MYPN: variants seen among roughly 807,000 people sequenced by gnomAD.
MYPN encodes myopalladin.
Under a neutral mutation model 129.4 loss-of-function variants are expected in MYPN, and 63 were observed. The observed-to-expected ratio is 0.49, with a 90% CI of 0.40 to 0.60. The LOEUF is 0.60. MYPN is among the 20% of genes least tolerant of loss of function. The pLI is 0.00. For synonymous variants in MYPN, 629 were observed against 600.9 expected (o/e 1.05, Z -0.68); for missense variants, 1,596 against 1,635.4 (o/e 0.98, Z 0.42).
chr10:68,177,516 T>C (rs915909770), intron 12 of MYPN, among the ~76,000 whole-genome samples: 1 of 152,162 alleles, frequency 6.6e-6, no homozygotes, highest in Non-Finnish European at 1.5e-5. Flanking sequence ...TGAGGAAGTT[T>C]TGGGAAATAA....
At chr10:68,180,082 G>C (rs2043291221) in intron 12 of MYPN, among the ~76,000 whole-genome samples, 1 of 152,152 alleles carries the variant, frequency 6.6e-6, no homozygotes, top group Non-Finnish European at 1.5e-5. Context: ...GCACATAATA[G>C]GTACTTACTA....
At chr10:68,095,774 G>A (rs79176096) in intron 1 of MYPN, among the ~76,000 whole-genome samples, 27 of 151,934 alleles carry the variant, frequency 1.8e-4, no homozygotes, top group Admixed American at 3.9e-4. Flanking sequence ...GGGAATAGGG[G>A]GTTATTGTTT....
Position 68,174,593 on chromosome 10 carries a change from T to C in MYPN, c.2501T>C (p.Leu834Pro). 6.2e-7 allele frequency: 1 copy of C among 1,614,222 alleles called. No individual in the cohort carries two copies. Among genetic ancestry groups the C allele is most frequent in the South Asian group, 1.1e-5 (1 of 91,088 alleles). Residue 834 changes from leucine (L) to proline (P), a missense_variant, in exon 11 of 20, where the codon CTG becomes CCG. Coordinates refer to ENST00000358913, the MANE Select transcript of MYPN (RefSeq NM_032578.4). ...QNPVAFLSSV[L>P]PSLPAIPPTN... ...CCAGTGGCTTTCCTCAGCTCTGTTC[T>C]GCCTTCTCTCCCTGCCATCCCACCC...
In MYPN at chr10:68,210,967, G is replaced by A; in HGVS notation, c.*512G>A. 1 of 454,280 alleles carries A rather than the reference G, an allele frequency of 2.2e-6. No individual in the cohort carries two copies. Among genetic ancestry groups the A allele is most frequent in the Non-Finnish European group, 4.4e-6 (1 of 226,838 alleles). 28.1% of individuals were successfully genotyped at this position (454,280 alleles called of 1,614,324 possible). ...CAAATCAGCTTCCACTTAGCATTAG[G>A]AGGTCATGCCATACAACTCACGTAT... is the stretch of plus-strand genomic sequence containing the variant. On this transcript the variant is annotated 3_prime_UTR_variant, in exon 20 of 20. Coordinates refer to ENST00000358913, the MANE Select transcript of MYPN (RefSeq NM_032578.4).
chr10:68,195,414 TTCTTGTTTTAATCTTGC>T lies in MYPN; in HGVS notation c.3076-31_3076-15del, dbSNP rs2043587821. On this transcript the variant is annotated intron_variant, in intron 14 of 19. Coordinates refer to ENST00000358913, the MANE Select transcript of MYPN (RefSeq NM_032578.4). ...TGTAAATTGAAAAAATGTGAGATTGTTCTTGTTTTAATCTTGCTCTTTTTCTGTTTGTCAGGGGAGAA... is the reference window on the plus strand; with the variant it reads ...TGTAAATTGAAAAAATGTGAGATTGTTCTTTTTCTGTTTGTCAGGGGAGAA... 6.3e-7 allele frequency: 1 copy of T among 1,591,582 alleles called. No homozygotes were observed. Among genetic ancestry groups the T allele is most frequent in the Admixed American group, 1.7e-5 (1 of 59,938 alleles).
intron 12 of MYPN, among the ~76,000 whole-genome samples, chr10:68,179,185 T>C (rs1269718313): frequency 6.6e-6 from 1 of 152,194 alleles, no homozygotes; most frequent in Admixed American, 6.5e-5. Context: ...CAATCCTCTT[T>C]TGTGAGCCGT....
intron 18 of MYPN, among the ~76,000 whole-genome samples, chr10:68,203,689 G>GCA (rs372251488): frequency 0.07 from 3,668 of 52,746 alleles, 168 homozygotes; most frequent in African/African-American, 0.12. Flanking sequence ...AAACGCGCAC[G>GCA]CACACACACA....
intron 6 of MYPN, among the ~76,000 whole-genome samples, chr10:68,157,859 C>CAAACA (rs141372152): frequency 0.58 from 83,706 of 144,314 alleles, 26,288 homozygotes; most frequent in Non-Finnish European, 0.7. Flanking sequence ...AACAAACAAA[C>CAAACA]AAAAAAAAAC....
intron 18 of MYPN, among the ~76,000 whole-genome samples, chr10:68,203,712 T>C (rs12360141): frequency 0.73 from 101,271 of 137,894 alleles, 35,362 homozygotes; most frequent in East Asian, 0.9. Flanking sequence ...CACACACACA[T>C]ACACACACAG....
chr10:68,132,108 G>A (rs535509815), intron 2 of MYPN, among the ~76,000 whole-genome samples: 4 of 152,226 alleles, frequency 2.6e-5, no homozygotes, highest in Admixed American at 1.3e-4. Flanking sequence ...TTCTGATCTT[G>A]AAGAGAATGC....
At chr10:68,173,986 G>A in intron 10 of MYPN, 80 bp from the exon 11 acceptor site, 1 of 1,182,716 alleles carries the variant, frequency 8.5e-7, no homozygotes, top group Admixed American at 1.7e-5. Context: ...GTTATAAACA[G>A]TCTGTCTGAA....
chr10:68,101,829 GT>G (rs2041983313), upstream of MYPN, among the ~76,000 whole-genome samples: 1 of 151,906 alleles, frequency 6.6e-6, no homozygotes, highest in Non-Finnish European at 1.5e-5. Flanking sequence ...TATAGGTCAA[GT>G]TTTCTTCTGC....
At chr10:68,210,090 GCA>G (rs2043883643) in intron 19 of MYPN, among the ~76,000 whole-genome samples, 194 bp from the exon 20 acceptor site, 1 of 152,210 alleles carries the variant, frequency 6.6e-6, no homozygotes, top group African/African-American at 2.4e-5. Flanking sequence ...GATATCACCA[GCA>G]CAGTTTCCTT....
At chr10:68,111,256 A>G (rs1245540563) in intron 1 of MYPN, among the ~76,000 whole-genome samples, 1 of 152,224 alleles carries the variant, frequency 6.6e-6, no homozygotes, top group Non-Finnish European at 1.5e-5. Context: ...AAAGGGTTTT[A>G]ATGAACTAAT....
Position 68,095,222 on chromosome 10 carries a change from T to C in MYPN, c.-2+7230T>C, listed in dbSNP as rs576896406. 2.0e-5 allele frequency among the ~76,000 whole-genome samples: 3 copies of C among 151,786 alleles called. No homozygotes were observed. The South Asian group carries it at 6.3e-4, about 32-fold the overall frequency. On this transcript the variant is annotated intron_variant, in intron 1 of 6. Coordinates refer to the MYPN transcript ENST00000685154. ...ACCTGGGTGTGGGTGTGGAGTCACA[T>C]ATCTGTGGTCCCAGCTACTCGGGAG...
At chr10:68,203,644 A>C (rs542648378) in intron 18 of MYPN, among the ~76,000 whole-genome samples, 39 of 151,914 alleles carry the variant, frequency 2.6e-4, no homozygotes, top group Non-Finnish European at 5.1e-4. Flanking sequence ...TTAGCTTCTG[A>C]AAACCACACA....
intron 13 of MYPN, among the ~76,000 whole-genome samples, chr10:68,193,494 A>G (rs549237193): frequency 6.6e-6 from 1 of 152,320 alleles, no homozygotes; most frequent in East Asian, 1.9e-4. Context: ...GTACAAAGTG[A>G]ACTGTATTAG....
At chr10:68,208,481 A>T (rs1475323177) in intron 19 of MYPN, among the ~76,000 whole-genome samples, 1 of 152,182 alleles carries the variant, frequency 6.6e-6, no homozygotes, top group Non-Finnish European at 1.5e-5. Flanking sequence ...CGGGGGAGAA[A>T]GAGGCCAGTA....
chr10:68,125,874 C>A (rs2042318362), intron 2 of MYPN, among the ~76,000 whole-genome samples: 1 of 152,182 alleles, frequency 6.6e-6, no homozygotes, highest in African/African-American at 2.4e-5. Flanking sequence ...GAAACCAAAT[C>A]TAAACTCTTC....
Sources: allele counts gnomAD v4.1 joint callset (sites outside exome capture counted in the v4.1 genomes callset), GRCh38; gene constraint gnomAD v4.1.1; transcripts MANE v1.5; gene names NCBI Gene and HGNC (gene_info 2026-07-23, HGNC 2026-07-21).